CKM: variants seen among roughly 807,000 people sequenced by gnomAD.
CKM encodes the protein creatine kinase, M-type.
CKM carries 28 observed loss-of-function variants against 35.4 expected under a neutral mutation model. The ratio of observed to expected loss-of-function variants is 0.79; its 90% CI spans 0.59 to 1.08. The LOEUF (loss-of-function observed/expected upper bound fraction) is 1.08, where lower values mean the gene tolerates loss of function less well. CKM is among the 50% of genes least tolerant of loss of function. The probability of loss-of-function intolerance (pLI) is 0.00; values close to 1 mark genes in which losing one functional copy is unlikely to be tolerated. For missense variants in CKM, 484 were observed against 509.8 expected, an observed-to-expected ratio of 0.95 and a Z score of 0.49; for synonymous variants, 215 against 204.4, an observed-to-expected ratio of 1.05 and a Z score of -0.44.
intron 4 of CKM, among the ~76,000 whole-genome samples, chr19:45,314,053 A>AAGGAAGGG (rs1042861965): frequency 1.2e-4 from 18 of 148,368 alleles, no homozygotes; most frequent in Admixed American, 1.1e-3. Flanking sequence ...AGAAGGAAGG[A>AAGGAAGGG]AGGAAGGGAG....
intron 5 of CKM, among the ~76,000 whole-genome samples, chr19:45,310,955 TA>T (rs1971103583): frequency 7.5e-6 from 1 of 133,656 alleles, no homozygotes. Flanking sequence ...TTTTTTTTTG[TA>T]GTTTTAGTAG....
intron 4 of CKM, 107 bp downstream of exon 4, chr19:45,315,358 T>C (rs1288624057): frequency 2.4e-6 from 3 of 1,274,716 alleles, no homozygotes; most frequent in Non-Finnish European, 3.3e-6. Context: ...ACCAAGCTCT[T>C]CCCCTACTTT....
At chr19:45,315,624 C>T in intron 3 of CKM, 27 bp from the exon 4 acceptor site, 1 of 1,600,928 alleles carries the variant, frequency 6.2e-7, no homozygotes, top group South Asian at 1.1e-5. Flanking sequence ...AGATCAGGAC[C>T]AGGCAGATCC....
At chr19:45,320,125 TACCCAGGTTGGAGTGCAGTGGCGAG>T (rs1971200130) in intron 1 of CKM, among the ~76,000 whole-genome samples, 1 of 130,934 alleles carries the variant, frequency 7.6e-6, no homozygotes, top group Non-Finnish European at 1.6e-5. Flanking sequence ...CTCACTCTGT[TACCCAGGTTGGAGTGCAGTGGCGAG>T]ACCTCGGCTC....
In CKM at chr19:45,307,466, C is replaced by T. The variant is rs1395911135; in HGVS notation, c.962G>A (p.Gly321Asp). The change falls in exon 7 of 8, where the codon GGT becomes GAT. Residue 321 changes from glycine (G) to aspartate (D), a missense_variant. Transcript: ENST00000221476. Reference protein sequence around the residue: ...ILTRLRLQKRGTGGVDTAAVG... With the variant: ...ILTRLRLQKRDTGGVDTAAVG... ...AAAGGATGTGGGAGCCGTACCTGTA[C>T]CCCTCTTCTGCAGACGCAGGCGGGT... 6.2e-7 allele frequency: 1 copy of T among 1,613,816 alleles called. No homozygotes were observed. Among genetic ancestry groups the T allele is most frequent in the South Asian group, 1.1e-5 (1 of 91,030 alleles).
chr19:45,319,663 C>T lies in CKM; in HGVS notation c.51G>A (p.Glu17=). ...GTTTGCTGAGGTCGGGGTACTCCTC[C>T]TCAGGCTTGTAATTCAGCTTGAACT... ...HNKFKLNYKP[E]EEYPDLSKHN... is the part of the protein sequence containing the mutation. The change falls in exon 2 of 8, where the codon GAG becomes GAA. Residue 17 remains glutamate (E), a synonymous_variant. Transcript: ENST00000221476. 1 of 1,614,230 alleles carries T rather than the reference C, an allele frequency of 6.2e-7. No individual in the cohort carries two copies. The highest frequency in any genetic ancestry group is 8.5e-7 in the Non-Finnish European group (1 of 1,180,042).
chr19:45,309,688 G>A (rs1377810610), intron 5 of CKM, among the ~76,000 whole-genome samples: 1 of 151,834 alleles, frequency 6.6e-6, no homozygotes, highest in Non-Finnish European at 1.5e-5. Flanking sequence ...ATGGCAGAAC[G>A]CTGTCTCTAC....
rs17875649 is a variant in CKM at position 45,318,790 on chromosome 19, A to G, written c.193+731T>C. Among the ~76,000 whole-genome samples, 1,365 of 151,292 alleles carry G rather than the reference A, an allele frequency of 9.0e-3. 9 individuals carry two copies. Among genetic ancestry groups the G allele is most frequent in the Non-Finnish European group, 0.014 (974 of 67,884 alleles). Reference sequence around the variant, plus strand: ...TGAGGGGCACTAGAGCCTCCCCTCCACTCCCAGCTCTCTTCGCCTTGCAAT... The same window carrying G: ...TGAGGGGCACTAGAGCCTCCCCTCCGCTCCCAGCTCTCTTCGCCTTGCAAT... On this transcript the variant is annotated intron_variant, in intron 2 of 7. Transcript: ENST00000221476.
In CKM at chr19:45,319,435, C is replaced by A. The variant is rs771388727; in HGVS notation, c.193+86G>T. 404 of 1,047,158 alleles carry A rather than the reference C, an allele frequency of 3.9e-4. 2 individuals carry two copies. Among genetic ancestry groups the A allele is most frequent in the South Asian group, 6.7e-4 (51 of 75,578 alleles). The allele number at this position is 1,047,158 out of a possible 1,614,324, so 64.9% of individuals were successfully genotyped here. On this transcript the variant is annotated intron_variant, in intron 2 of 7. Coordinates refer to ENST00000221476, the MANE Select transcript of CKM (RefSeq NM_001824.5). Reference sequence around the variant, plus strand: ...AGATGAGAAAACTGAGGCCCCCCCCCCTTCAAGGGTGGTGGGATTGGGGCA... The same window carrying A: ...AGATGAGAAAACTGAGGCCCCCCCCACTTCAAGGGTGGTGGGATTGGGGCA...
intron 5 of CKM, 151 bp downstream of exon 5, chr19:45,311,598 G>A: frequency 1.5e-6 from 1 of 681,208 alleles, no homozygotes; most frequent in Non-Finnish European, 2.5e-6. Context: ...CACAGGATGG[G>A]CAGGGGCGGA....
intron 1 of CKM, among the ~76,000 whole-genome samples, chr19:45,322,056 C>T (rs1971217754): frequency 6.6e-6 from 1 of 152,052 alleles, no homozygotes; most frequent in Admixed American, 6.6e-5. Flanking sequence ...AGTCAGCAGG[C>T]CCAAGACAGG....
chr19:45,308,156 CG>C (rs1253342535), intron 6 of CKM, among the ~76,000 whole-genome samples: 1 of 150,792 alleles, frequency 6.6e-6, no homozygotes, highest in Non-Finnish European at 1.5e-5. Flanking sequence ...CCACCGCTCC[CG>C]GCCTGAAGGC....
At position 45,306,439 on chromosome 19, in the gene CKM, G is replaced by T; in HGVS notation, c.*311C>A. 2.3e-6 allele frequency: 1 copy of T among 439,340 alleles called. No homozygotes were observed. Among genetic ancestry groups the T allele is most frequent in the Non-Finnish European group, 4.2e-6 (1 of 236,730 alleles). 27.2% of individuals were successfully genotyped at this position (439,340 alleles called of 1,614,324 possible). A position where few individuals can be genotyped will look rare whatever the true frequency, so the allele number is the denominator to read the frequency against. ...AAGGCCACCAATGCTTTTATTTATC[G>T]CTTTGCGTGGAGACAAAGCACAAGC... On this transcript the variant is annotated 3_prime_UTR_variant, in exon 8 of 8. Transcript: ENST00000221476. The surrounding 1 kb of genome is among the most constrained non-coding windows in gnomAD (Gnocchi z 4.5).
At chr19:45,318,863 CT>C (rs112676432) in intron 2 of CKM, among the ~76,000 whole-genome samples, 17,222 of 141,590 alleles carry the variant, frequency 0.12, 1,054 homozygotes, top group East Asian at 0.27. Context: ...CTGTCAGATT[CT>C]TTTTTTTTTT....
rs768979645 is a variant in CKM, at chr19:45,311,763, G to A, written c.639C>T (p.Asp213=). The change falls in exon 5 of 8, where the codon GAC becomes GAT. Residue 213 remains aspartate (D), a synonymous_variant. Transcript: ENST00000221476. ...LASGMARDWP[D]ARGIWHNDNK... ...AGGGGCCTCACCAGATGCCACGGGC[G>A]TCGGGCCAGTCGCGGGCCATGCCTG... The A allele has an allele frequency of 1.1e-5, 18 of 1,589,074 alleles. No homozygotes were observed. The highest frequency in any genetic ancestry group is 4.5e-5 in the South Asian group (4 of 88,502).
In CKM at chr19:45,306,729, C is replaced by T. The variant is rs373583683; in HGVS notation, c.*21G>A. The T allele has an allele frequency of 1.1e-5, 18 of 1,613,542 alleles. No individual in the cohort carries two copies. The African/African-American group carries it at 2.0e-4, about 18-fold the overall frequency. On this transcript the variant is annotated 3_prime_UTR_variant, in exon 8 of 8. Coordinates refer to ENST00000221476, the MANE Select transcript of CKM (RefSeq NM_001824.5). This position sits in a 1 kb window ranked among gnomAD's most constrained non-coding sequence, Gnocchi z 4.5. Reference sequence around the variant, plus strand: ...CTCCCACTGGCTGGGTTCCAGCAGTCGGTGGCAGGTGGGCAGGCGCCTACT... The same window carrying T: ...CTCCCACTGGCTGGGTTCCAGCAGTTGGTGGCAGGTGGGCAGGCGCCTACT...
At position 45,309,318 on chromosome 19, in the gene CKM, G is replaced by A. The variant is rs1971085745; in HGVS notation, c.654-786C>T. On this transcript the variant is annotated intron_variant, in intron 5 of 7. Transcript: ENST00000221476. ...GCCTGTAATCCCAGCACTTTGGGAG[G>A]CCAAGGCCGGAGGATTGCTTGAGCC... Among the ~76,000 whole-genome samples, 3 of 152,070 alleles carry A rather than the reference G, an allele frequency of 2.0e-5. No individual in the cohort carries two copies. In the South Asian group the frequency reaches 6.2e-4, roughly 32 times the overall value.
intron 4 of CKM, among the ~76,000 whole-genome samples, chr19:45,313,760 T>C (rs1971131343): frequency 6.6e-6 from 1 of 152,130 alleles, no homozygotes; most frequent in Non-Finnish European, 1.5e-5. Flanking sequence ...GACACGAGAA[T>C]TGCTTGAACC....
Position 45,322,257 on chromosome 19 carries a change from C to T in CKM, c.-19+564G>A, listed in dbSNP as rs561953225. Among the ~76,000 whole-genome samples the T allele has an allele frequency of 4.6e-5, 7 of 152,008 alleles. No individual in the cohort carries two copies. In the East Asian group the frequency reaches 1.2e-3, roughly 25 times the overall value. On this transcript the variant is annotated intron_variant, in intron 1 of 7. Transcript: ENST00000221476. The stretch of plus-strand genomic sequence containing the variant: ...ATAAGCAGAAAGCCCCAGAGCCACA[C>T]ACCCCCACCACCGCAGACTCCCCAG...
Sources: allele counts gnomAD v4.1 joint callset (sites outside exome capture counted in the v4.1 genomes callset), GRCh38; gene constraint gnomAD v4.1.1; non-coding constraint Gnocchi (gnomAD v3.1); transcripts MANE v1.5; gene names NCBI Gene and HGNC (gene_info 2026-07-23, HGNC 2026-07-21).